RNF180: variants seen among roughly 807,000 people sequenced by gnomAD.
RNF180 encodes ring finger protein 180, also known as E3 ubiquitin-protein ligase RNF180.
A neutral mutation model predicts 59.2 loss-of-function variants in RNF180; 38 were observed. The observed-to-expected ratio is 0.64, with a 90% CI of 0.50 to 0.84. RNF180 has a LOEUF of 0.84. Ranked by LOEUF, RNF180 falls within the 40% of genes least tolerant of loss-of-function variation. RNF180 has a pLI of 0.00. For missense variants in RNF180, 705 were observed against 700.9 expected (o/e 1.01, Z -0.07); for synonymous variants, 262 against 240.3 (o/e 1.09, Z -0.84).
chr5:64,244,441 A>T (rs192225416), intron 5 of RNF180, among the ~76,000 whole-genome samples: 1 of 152,234 alleles, frequency 6.6e-6, no homozygotes, highest in African/African-American at 2.4e-5. Context: ...TTTGTGAAGC[A>T]TACACAAGTA....
intron 5 of RNF180, among the ~76,000 whole-genome samples, chr5:64,274,974 T>C (rs921290258): frequency 1.3e-5 from 2 of 152,032 alleles, no homozygotes; most frequent in Admixed American, 6.6e-5. Context: ...TCTTAAAATA[T>C]ATGGTTTGAT....
intron 5 of RNF180, among the ~76,000 whole-genome samples, chr5:64,281,052 T>G (rs1741982530): frequency 6.6e-6 from 1 of 152,196 alleles, no homozygotes; most frequent in African/African-American, 2.4e-5. Flanking sequence ...CTAGGTATTT[T>G]TGTGTGTGTG....
chr5:64,332,047 C>G (rs1744934159), intron 7 of RNF180, among the ~76,000 whole-genome samples: 1 of 152,172 alleles, frequency 6.6e-6, no homozygotes, highest in African/African-American at 2.4e-5. Context: ...GTGGCTGGAC[C>G]TCACGCTTGC....
At chr5:64,189,465 A>G (rs1420341772) in intron 1 of RNF180, among the ~76,000 whole-genome samples, 3 of 152,124 alleles carry the variant, frequency 2.0e-5, no homozygotes, top group African/African-American at 7.2e-5. Context: ...CCTTGTTATA[A>G]AGTGGCAAAA....
At chr5:64,223,998 A>G (rs750859176) in intron 5 of RNF180, among the ~76,000 whole-genome samples, 2 of 151,880 alleles carry the variant, frequency 1.3e-5, no homozygotes, top group Non-Finnish European at 2.9e-5. Context: ...GCGAATTCTA[A>G]AGTAGTCACA....
chr5:64,185,234 C>A (rs1285690010), intron 1 of RNF180, among the ~76,000 whole-genome samples: 1 of 152,108 alleles, frequency 6.6e-6, no homozygotes, highest in Non-Finnish European at 1.5e-5. Context: ...GGCTATATTC[C>A]TGTAGCAGCA....
chr5:64,293,958 C>T (rs990825784), intron 5 of RNF180, among the ~76,000 whole-genome samples: 8 of 152,262 alleles, frequency 5.3e-5, no homozygotes, highest in Non-Finnish European at 1.0e-4. Flanking sequence ...TAGTCATATT[C>T]ACTTTATAAT....
chr5:64,305,159 G>A (rs921805664), intron 5 of RNF180, among the ~76,000 whole-genome samples: 1 of 151,626 alleles, frequency 6.6e-6, no homozygotes. Context: ...AACAATGTGT[G>A]TGTCTTGCTT....
At chr5:64,288,220 TCTTA>T (rs1262302313) in intron 5 of RNF180, among the ~76,000 whole-genome samples, 8 of 151,918 alleles carry the variant, frequency 5.3e-5, no homozygotes, top group Non-Finnish European at 1.0e-4. Flanking sequence ...GAAGGTGTGG[TCTTA>T]CTTCTGAGTT....
At chr5:64,177,036 C>G (rs150413266) in intron 1 of RNF180, among the ~76,000 whole-genome samples, 1 of 152,292 alleles carries the variant, frequency 6.6e-6, no homozygotes, top group East Asian at 1.9e-4. Context: ...TTCTATCTTT[C>G]TGGCCAAATT....
chr5:64,252,680 G>A (rs1370784076), intron 5 of RNF180, among the ~76,000 whole-genome samples: 1 of 152,104 alleles, frequency 6.6e-6, no homozygotes, highest in Non-Finnish European at 1.5e-5. Context: ...AGAATGTAGT[G>A]GTCCTGAGCA....
intron 7 of RNF180, among the ~76,000 whole-genome samples, chr5:64,334,206 A>C (rs944069970): frequency 6.6e-6 from 1 of 152,194 alleles, no homozygotes; most frequent in African/African-American, 2.4e-5. Context: ...AGAGTGGAGA[A>C]AAGTGTTTCC....
In RNF180 at chr5:64,206,424, TA is replaced by T. The variant is rs1752019512; in HGVS notation, c.135+5483del. 2.0e-5 allele frequency among the ~76,000 whole-genome samples: 3 copies of T among 152,306 alleles called. No homozygotes were observed. In the South Asian group the frequency reaches 6.2e-4, roughly 32 times the overall value. Reference sequence around the variant, plus strand: ...ATGAATGTTGAATTGATTATTAGAGTATATACCTCCTCCCTCATGTTTTTTG... The same window carrying T: ...ATGAATGTTGAATTGATTATTAGAGTTATACCTCCTCCCTCATGTTTTTTG... On this transcript the variant is annotated intron_variant, in intron 2 of 7. Coordinates refer to ENST00000389100, the MANE Select transcript of RNF180 (RefSeq NM_001113561.2).
intron 7 of RNF180, among the ~76,000 whole-genome samples, chr5:64,355,764 C>T (rs569880742): frequency 2.4e-4 from 37 of 151,954 alleles, no homozygotes; most frequent in Admixed American, 2.0e-3. Context: ...GGATTTTTGA[C>T]AAGTCTACTA....
chr5:64,337,912 A>G (rs1353696404), intron 7 of RNF180, among the ~76,000 whole-genome samples: 1 of 152,044 alleles, frequency 6.6e-6, no homozygotes, highest in African/African-American at 2.4e-5. Flanking sequence ...TCATTGTTGG[A>G]CATTTGGGTT....
intron 5 of RNF180, among the ~76,000 whole-genome samples, chr5:64,302,884 G>T (rs1323891562): frequency 6.6e-6 from 1 of 151,742 alleles, no homozygotes; most frequent in South Asian, 2.1e-4. Flanking sequence ...GTTATATGCA[G>T]TCAAACCTTG....
chr5:64,194,593 A>G (rs774523301), intron 1 of RNF180, among the ~76,000 whole-genome samples: 1 of 152,304 alleles, frequency 6.6e-6, no homozygotes, highest in East Asian at 1.9e-4. Flanking sequence ...GACTTCCACA[A>G]TGGTTGAACT....
intron 5 of RNF180, among the ~76,000 whole-genome samples, chr5:64,289,042 CTTA>C (rs1442268603): frequency 5.3e-5 from 8 of 152,044 alleles, no homozygotes; most frequent in Admixed American, 6.6e-5. Context: ...ATATATCGCT[CTTA>C]TTATTTTGAG....
At chr5:64,289,855 T>A (rs1472619568) in intron 5 of RNF180, among the ~76,000 whole-genome samples, 1 of 152,074 alleles carries the variant, frequency 6.6e-6, no homozygotes, top group East Asian at 1.9e-4. Flanking sequence ...ATTTGTTTAT[T>A]TTTTTTGAAA....
Sources: gnomAD v4.1 joint callset for allele counts (sites outside exome capture counted in the v4.1 genomes callset) on GRCh38, gnomAD v4.1.1 for gene constraint, MANE v1.5 for transcripts, NCBI Gene and HGNC (gene_info 2026-07-23, HGNC 2026-07-21) for gene names.